Variants in SEZ6L observed in about 807,000 individuals in gnomAD.
SEZ6L encodes the protein seizure 6-like protein.
SEZ6L carries 37 observed loss-of-function variants against 106.2 expected under a neutral mutation model. That is an observed-to-expected ratio of 0.35 (90% CI 0.27 to 0.46). The LOEUF (loss-of-function observed/expected upper bound fraction) is 0.46. SEZ6L is among the 20% of genes least tolerant of loss of function. The pLI is 1.00. For synonymous variants in SEZ6L, 541 were observed against 570.4 expected (o/e 0.95, Z 0.73); for missense variants, 1,172 against 1,332.8 (o/e 0.88, Z 1.88).
chr22:26,305,958 A>G (rs1389242160), intron 5 of SEZ6L, 21 bp from the exon 6 acceptor site: 3 of 1,511,854 alleles, frequency 2.0e-6, no homozygotes, highest in Non-Finnish European at 2.7e-6. Flanking sequence ...CCCATTGCCC[A>G]CCCACCCCTT....
At chr22:26,343,162 C>A (rs1254472674) in intron 10 of SEZ6L, among the ~76,000 whole-genome samples, 1 of 152,104 alleles carries the variant, frequency 6.6e-6, no homozygotes, top group Non-Finnish European at 1.5e-5. Flanking sequence ...AATGTACCCT[C>A]CAGACTCAGC....
At chr22:26,365,861 A>C (rs1371551630) in intron 13 of SEZ6L, among the ~76,000 whole-genome samples, 1 of 151,212 alleles carries the variant, frequency 6.6e-6, no homozygotes, top group Non-Finnish European at 1.5e-5. Flanking sequence ...ACAGAACGAG[A>C]CTCTATCTCA....
intron 1 of SEZ6L, among the ~76,000 whole-genome samples, chr22:26,210,495 G>A (rs1315324725): frequency 6.6e-6 from 1 of 152,176 alleles, no homozygotes; most frequent in East Asian, 1.9e-4. Context: ...AACAGTGGAA[G>A]GCACTCGTGT....
At chr22:26,289,498 C>A (rs954236380) in intron 1 of SEZ6L, among the ~76,000 whole-genome samples, 3 of 152,124 alleles carry the variant, frequency 2.0e-5, no homozygotes, top group African/African-American at 7.2e-5. Flanking sequence ...AGGATTTGAA[C>A]CCTAACTCTG....
Position 26,268,363 on chromosome 22 carries a change from C to T in SEZ6L, c.95-24043C>T, listed in dbSNP as rs1002214556. Among the ~76,000 whole-genome samples the T allele has an allele frequency of 1.3e-5, 2 of 152,314 alleles. 1 individual carries two copies. The stretch of plus-strand genomic sequence containing the variant: ...CATCTTGTTTAGCCTAGCCCCTCCA[C>T]CCCTGCTTTACCTAAGGGGAAACTG... On this transcript the variant is annotated intron_variant, in intron 1 of 16. Coordinates refer to ENST00000248933, the MANE Select transcript of SEZ6L (RefSeq NM_021115.5).
chr22:26,353,748 T>A (rs1264646938), intron 12 of SEZ6L, among the ~76,000 whole-genome samples: 1 of 152,214 alleles, frequency 6.6e-6, no homozygotes, highest in Non-Finnish European at 1.5e-5. Flanking sequence ...ACCCACAGTA[T>A]CTGTAACTGT....
rs134772 is a variant in SEZ6L, at chr22:26,207,910, A to ATTTTTTTTT, written c.94+38156_94+38164dup. ...ATTTTTGCTTTAAATATTCATGTGT[A>ATTTTTTTTT]TTTTTTTTTTTTTTTTTGAGACGGA... On this transcript the variant is annotated intron_variant, in intron 1 of 16. Transcript: ENST00000248933. 5.8e-5 allele frequency among the ~76,000 whole-genome samples: 8 copies of ATTTTTTTTT among 138,492 alleles called. 1 individual carries two copies. Among genetic ancestry groups the ATTTTTTTTT allele is most frequent in the African/African-American group, 2.2e-4 (8 of 37,134 alleles). The allele number at this position is 138,492 out of a possible 152,430, so 90.9% of individuals were successfully genotyped here. A position where few individuals can be genotyped will look rare whatever the true frequency, so the allele number is the denominator to read the frequency against.
rs780685417 is a variant in SEZ6L, at chr22:26,364,960, C to T, written c.2600-412C>T. On this transcript the variant is annotated intron_variant, in intron 12 of 16. Coordinates refer to ENST00000248933, the MANE Select transcript of SEZ6L (RefSeq NM_021115.5). ...ACCACCGTCCATCATTTACTAAGTA[C>T]GTATGACATGCCAAAAACAAAACAT... 8.8e-5 allele frequency: 14 copies of T among 159,020 alleles called. No homozygotes were observed. In the East Asian group the frequency reaches 1.1e-3, roughly 12 times the overall value. 9.9% of individuals were successfully genotyped at this position (159,020 alleles called of 1,614,324 possible).
intron 1 of SEZ6L, among the ~76,000 whole-genome samples, chr22:26,208,108 G>C (rs920339745): frequency 6.6e-6 from 1 of 152,030 alleles, no homozygotes. Flanking sequence ...GTAGAGACGG[G>C]GTTTCACCGT....
At chr22:26,185,092 A>G (rs544731368) in intron 1 of SEZ6L, among the ~76,000 whole-genome samples, 1 of 152,330 alleles carries the variant, frequency 6.6e-6, no homozygotes, top group South Asian at 2.1e-4. Flanking sequence ...CAAACAAAAC[A>G]AAACAAAACA....
intron 9 of SEZ6L, among the ~76,000 whole-genome samples, chr22:26,321,940 T>C (rs566467358): frequency 1.3e-5 from 2 of 152,260 alleles, no homozygotes; most frequent in Admixed American, 6.5e-5. Flanking sequence ...ACCGTGGCCA[T>C]GGCGGTTCTA....
intron 1 of SEZ6L, among the ~76,000 whole-genome samples, chr22:26,285,263 C>A (rs548805166): frequency 6.6e-6 from 1 of 151,294 alleles, no homozygotes; most frequent in South Asian, 2.1e-4. Flanking sequence ...AATGAATGAA[C>A]GATAAATGGA....
rs745840673 is a variant in SEZ6L, at chr22:26,292,834, G to A, written c.523G>A (p.Ala175Thr). 1 of 1,613,910 alleles carries A rather than the reference G, an allele frequency of 6.2e-7. No individual in the cohort carries two copies. Among genetic ancestry groups the A allele is most frequent in the African/African-American group, 1.3e-5 (1 of 74,940 alleles). Residue 175 changes from alanine to threonine, a missense_variant, in exon 2 of 17, where the codon GCC becomes ACC. Ala to Thr is a moderately conservative substitution (Grantham distance 58). This residue lies in a region of SEZ6L where 494 missense variants were observed against 445.8 expected (regional missense o/e 1.11). Transcript: ENST00000248933. ...ACCGGGGGACCCGGACCCCATCGTG[G>A]CCTCCGAGGAGGCATCAGAAGTGCC... ...GPPGDPDPIV[A>T]SEEASEVPLW...
chr22:26,262,208 AG>A (rs1302169455), intron 1 of SEZ6L, among the ~76,000 whole-genome samples: 1 of 148,438 alleles, frequency 6.7e-6, no homozygotes, highest in East Asian at 2.0e-4. Context: ...GATATATAAA[AG>A]ATATATATAT....
At chr22:26,345,574 G>C (rs1569472001) in intron 10 of SEZ6L, among the ~76,000 whole-genome samples, 1 of 152,054 alleles carries the variant, frequency 6.6e-6, no homozygotes, top group African/African-American at 2.4e-5. Flanking sequence ...AAAAATAGAG[G>C]CTCCTGTCCC....
At chr22:26,172,918 G>A (rs562610553) in intron 1 of SEZ6L, among the ~76,000 whole-genome samples, 2 of 152,212 alleles carry the variant, frequency 1.3e-5, no homozygotes, top group Non-Finnish European at 2.9e-5. Flanking sequence ...CATCCAAGAG[G>A]CTGTGGAAAG....
At chr22:26,328,375 T>C (rs1184081960) in intron 9 of SEZ6L, among the ~76,000 whole-genome samples, 1 of 152,188 alleles carries the variant, frequency 6.6e-6, no homozygotes, top group East Asian at 1.9e-4. Flanking sequence ...TTTACAGCTG[T>C]CAACAATATT....
intron 1 of SEZ6L, among the ~76,000 whole-genome samples, chr22:26,273,019 G>C (rs1358329912): frequency 2.0e-5 from 3 of 152,224 alleles, no homozygotes; most frequent in Non-Finnish European, 2.9e-5. Context: ...CACATTGTAA[G>C]GCTGAAAAAG....
chr22:26,224,970 A>C (rs907591032), intron 1 of SEZ6L, among the ~76,000 whole-genome samples: 3 of 152,200 alleles, frequency 2.0e-5, no homozygotes, highest in Non-Finnish European at 4.4e-5. Context: ...ATTGTTACAA[A>C]AAAAAAGCCC....
Sources: allele counts gnomAD v4.1 joint callset (sites outside exome capture counted in the v4.1 genomes callset), GRCh38; gene constraint gnomAD v4.1.1; regional missense constraint gnomAD v4.1.1; transcripts MANE v1.5; gene names NCBI Gene and HGNC (gene_info 2026-07-23, HGNC 2026-07-21).